The following ARFGEF3 variants were observed in gnomAD, a reference collection of about 807,000 sequenced individuals.
The protein encoded by ARFGEF3 is ARFGEF family member 3.
Under a neutral mutation model 221.7 loss-of-function variants are expected in ARFGEF3, and 96 were observed. The ratio of observed to expected loss-of-function variants is 0.43; its 90% CI spans 0.37 to 0.51. The LOEUF is 0.51. ARFGEF3 is among the 20% of genes least tolerant of loss of function. The pLI is 0.00. For synonymous variants in ARFGEF3, 1,145 were observed against 1,126.8 expected, an observed-to-expected ratio of 1.02 and a Z score of -0.32; for missense variants, 2,410 against 2,789.9, an observed-to-expected ratio of 0.86 and a Z score of 3.07.
chr6:138,279,409 A>G (rs1446188492), intron 13 of ARFGEF3, among the ~76,000 whole-genome samples: 1 of 152,210 alleles, frequency 6.6e-6, no homozygotes, highest in Non-Finnish European at 1.5e-5. Context: ...GCTGTTGCTC[A>G]TAAGCACTTC....
chr6:138,289,958 C>A lies in ARFGEF3; in HGVS notation c.3037C>A (p.His1013Asn), dbSNP rs756023340. Residue 1013 changes from histidine to asparagine, a missense_variant, in exon 18 of 34, where the codon CAC (histidine) becomes AAC (asparagine). Around this residue, in one of 5 missense-constraint regions of ARFGEF3, gnomAD observed 594 missense variants for 734.3 expected, o/e 0.81. Coordinates refer to ENST00000251691, the MANE Select transcript of ARFGEF3 (RefSeq NM_020340.5). ...MGSHNPDCWPHVFRVCEYVGT... is the reference protein window; with the variant it reads ...MGSHNPDCWPNVFRVCEYVGT... ...AAGCCACAACCCGGACTGCTGGCCA[C>A]ACGTGTTCAGGTGCATGACGGGCTC... is the stretch of plus-strand genomic sequence containing the variant. 6.2e-6 allele frequency: 10 copies of A among 1,611,820 alleles called. No individual in the cohort carries two copies. The highest frequency in any genetic ancestry group is 1.3e-5 in the African/African-American group (1 of 74,864).
chr6:138,225,114 C>T (rs567164974), intron 4 of ARFGEF3, among the ~76,000 whole-genome samples: 38 of 152,264 alleles, frequency 2.5e-4, no homozygotes, highest in East Asian at 9.6e-4. Context: ...TTCATTGCCA[C>T]GGGAACAACT....
chr6:138,264,646 CCCT>C (rs1365019684), intron 12 of ARFGEF3, among the ~76,000 whole-genome samples: 2 of 152,196 alleles, frequency 1.3e-5, no homozygotes, highest in Admixed American at 1.3e-4. Context: ...CATCCACCAT[CCCT>C]TCTACCCTCC....
chr6:138,254,113 A>G, intron 9 of ARFGEF3, 129 bp downstream of exon 9: 2 of 599,198 alleles, frequency 3.3e-6, no homozygotes, highest in Non-Finnish European at 5.6e-6. Context: ...TAAATGTCTT[A>G]GAGGGAAAGC....
At chr6:138,204,255 T>A (rs1777589017) in intron 2 of ARFGEF3, among the ~76,000 whole-genome samples, 2 of 149,422 alleles carry the variant, frequency 1.3e-5, no homozygotes, top group Non-Finnish European at 3.0e-5. Context: ...GGAGAGTTGC[T>A]TGAACCTGGG....
chr6:138,197,651 C>T (rs147245499), intron 2 of ARFGEF3, among the ~76,000 whole-genome samples: 18 of 152,254 alleles, frequency 1.2e-4, no homozygotes, highest in Admixed American at 1.1e-3. Flanking sequence ...ATGGGACCAC[C>T]GTGGTCCGTC....
chr6:138,275,462 T>C (rs1012672093), intron 12 of ARFGEF3, among the ~76,000 whole-genome samples: 5 of 152,052 alleles, frequency 3.3e-5, no homozygotes, highest in African/African-American at 7.2e-5. Context: ...TTAAAATTCA[T>C]AGGGATGGCC....
At position 138,303,620 on chromosome 6, in the gene ARFGEF3, T is replaced by A. The variant is rs530696814; in HGVS notation, c.3829-3633T>A. Among the ~76,000 whole-genome samples, 19 of 152,158 alleles carry A rather than the reference T, an allele frequency of 1.2e-4. No individual in the cohort carries two copies. The East Asian group carries it at 3.5e-3, about 28-fold the overall frequency. ...GAGATGGAGACCATCCTGGCTAACATGGTGAAACCCTGTCTCTACTAAAAT... is the reference window on the plus strand; with the variant it reads ...GAGATGGAGACCATCCTGGCTAACAAGGTGAAACCCTGTCTCTACTAAAAT... On this transcript the variant is annotated intron_variant, in intron 22 of 33. Coordinates refer to ENST00000251691, the MANE Select transcript of ARFGEF3 (RefSeq NM_020340.5).
At chr6:138,274,344 C>CT (rs1293444902) in intron 12 of ARFGEF3, among the ~76,000 whole-genome samples, 3 of 152,174 alleles carry the variant, frequency 2.0e-5, no homozygotes, top group Non-Finnish European at 4.4e-5. Context: ...GGAGACTGGT[C>CT]TTGTGCCCTA....
At chr6:138,321,624 A>G (rs1780028724) in intron 29 of ARFGEF3, among the ~76,000 whole-genome samples, 2 of 152,264 alleles carry the variant, frequency 1.3e-5, no homozygotes, top group Non-Finnish European at 2.9e-5. Context: ...ACCCTCGTAC[A>G]CTGTTGGTGG....
chr6:138,228,396 A>G (rs991458244), intron 4 of ARFGEF3, among the ~76,000 whole-genome samples: 1 of 148,146 alleles, frequency 6.8e-6, no homozygotes, highest in East Asian at 2.0e-4. Flanking sequence ...CATGTTGCCC[A>G]GGCTGGTCTC....
Position 138,298,631 on chromosome 6 carries a change from T to C in ARFGEF3, c.3674T>C (p.Val1225Ala), listed in dbSNP as rs1417713147. 3 of 1,612,980 alleles carry C rather than the reference T, an allele frequency of 1.9e-6. No individual in the cohort carries two copies. The highest frequency in any genetic ancestry group is 4.5e-5 in the East Asian group (2 of 44,862). Residue 1225 changes from valine (V) to alanine (A), a missense_variant, in exon 22 of 34, where the codon GTG becomes GCG. By Grantham distance (64) the Val-to-Ala change is moderately conservative. Coordinates refer to ENST00000251691, the MANE Select transcript of ARFGEF3 (RefSeq NM_020340.5). ...GCTGCTTGCCATAAGGAAAGACATGTGTCTCAGAAGGCTGTTTCCTTCATC... is the reference window on the plus strand; with the variant it reads ...GCTGCTTGCCATAAGGAAAGACATGCGTCTCAGAAGGCTGTTTCCTTCATC... The part of the protein sequence containing the change: ...VEAACHKERH[V>A]SQKAVSFIHD...
chr6:138,329,663 CAAAAACCAAACAAACA>C (rs1052330264), intron 32 of ARFGEF3, among the ~76,000 whole-genome samples: 5 of 152,152 alleles, frequency 3.3e-5, no homozygotes, highest in African/African-American at 1.2e-4. Flanking sequence ...GACTCTGTCT[CAAAAACCAAACAAACA>C]AAAAAACAAA....
At chr6:138,165,442 G>C (rs1281751651) in intron 1 of ARFGEF3, among the ~76,000 whole-genome samples, 1 of 150,948 alleles carries the variant, frequency 6.6e-6, no homozygotes, top group African/African-American at 2.4e-5. Flanking sequence ...AGACGCTCAT[G>C]GGAGAGAGGG....
At position 138,298,743 on chromosome 6, in the gene ARFGEF3, C is replaced by G; in HGVS notation, c.3786C>G (p.Arg1262=). 3 of 1,613,452 alleles carry G rather than the reference C, an allele frequency of 1.9e-6. No individual in the cohort carries two copies. Among genetic ancestry groups the G allele is most frequent in the Non-Finnish European group, 2.5e-6 (3 of 1,179,782 alleles). ...AAGCACTCTTCCGACCTTTCGAGCG[C>G]ATTATGCAGCTGGAATTGTGTGATG... is the stretch of plus-strand genomic sequence containing the variant. ...FNEALFRPFE[R]IMQLELCDED... is the part of the protein sequence containing the mutation. Residue 1262 remains arginine (R), a synonymous_variant, in exon 22 of 34, where the codon CGC becomes CGG. Coordinates refer to ENST00000251691, the MANE Select transcript of ARFGEF3 (RefSeq NM_020340.5).
At chr6:138,196,808 A>G (rs181256323) in intron 2 of ARFGEF3, among the ~76,000 whole-genome samples, 68 of 152,164 alleles carry the variant, frequency 4.5e-4, no homozygotes, top group Middle Eastern at 6.8e-3. Flanking sequence ...TCCTTATTCT[A>G]TAAGCTTTAT....
chr6:138,171,112 A>T (rs1316022705), intron 2 of ARFGEF3, among the ~76,000 whole-genome samples: 1 of 148,780 alleles, frequency 6.7e-6, no homozygotes, highest in Non-Finnish European at 1.5e-5. Context: ...ATACTGTTGC[A>T]TTGGGGATTA....
At chr6:138,209,290 T>G (rs1458621040) in intron 3 of ARFGEF3, among the ~76,000 whole-genome samples, 2 of 152,144 alleles carry the variant, frequency 1.3e-5, no homozygotes, top group African/African-American at 4.8e-5. Context: ...GTGTGACTAG[T>G]GGGTAGGGCT....
chr6:138,242,035 C>T (rs1322825452), intron 6 of ARFGEF3, among the ~76,000 whole-genome samples: 1 of 152,174 alleles, frequency 6.6e-6, no homozygotes, highest in African/African-American at 2.4e-5. Context: ...TTTAGCCATT[C>T]TGAGCTGTAG....
Sources: allele counts gnomAD v4.1 joint callset (sites outside exome capture counted in the v4.1 genomes callset), GRCh38; gene constraint gnomAD v4.1.1; regional missense constraint gnomAD v4.1.1; transcripts MANE v1.5; gene names NCBI Gene and HGNC (gene_info 2026-07-23, HGNC 2026-07-21).